ERBB4: variants seen among roughly 807,000 people sequenced by gnomAD.
The protein encoded by ERBB4 is receptor tyrosine-protein kinase erbB-4.
In ERBB4, 42 loss-of-function variants were observed where a neutral mutation model predicts 158.0. The observed-to-expected ratio is 0.27, with a 90% CI of 0.21 to 0.34. The LOEUF (loss-of-function observed/expected upper bound fraction) is 0.34. Ranked by LOEUF, ERBB4 falls within the 10% of genes least tolerant of loss-of-function variation. The probability of loss-of-function intolerance (pLI) is 1.00; values close to 1 mark genes in which losing one functional copy is unlikely to be tolerated. For missense variants in ERBB4, 1,333 were observed against 1,624.1 expected (o/e 0.82, Z 3.08); for synonymous variants, 583 against 558.7 (o/e 1.04, Z -0.61).
chr2:212,320,247 C>T (rs1438116616), intron 1 of ERBB4, among the ~76,000 whole-genome samples: 1 of 147,688 alleles, frequency 6.8e-6, no homozygotes. Flanking sequence ...TTTCCTGTGG[C>T]TGCCAGCATA....
At chr2:212,030,170 A>G (rs944043575) in intron 2 of ERBB4, among the ~76,000 whole-genome samples, 6 of 152,122 alleles carry the variant, frequency 3.9e-5, no homozygotes, top group Admixed American at 1.3e-4. Context: ...ACGCACTTCC[A>G]TCTTCAATCC....
chr2:211,644,143 A>G (rs149901605), intron 16 of ERBB4, among the ~76,000 whole-genome samples: 27 of 151,968 alleles, frequency 1.8e-4, no homozygotes, highest in Non-Finnish European at 3.4e-4. Flanking sequence ...AGACAAACAA[A>G]CCCTCCTTTC....
chr2:212,307,464 A>T (rs1199116091), intron 1 of ERBB4, among the ~76,000 whole-genome samples: 1 of 151,264 alleles, frequency 6.6e-6, no homozygotes, highest in East Asian at 2.0e-4. Flanking sequence ...TACTAGTTAT[A>T]AAAAGTATGC....
intron 6 of ERBB4, among the ~76,000 whole-genome samples, chr2:211,724,407 GA>G (rs563161581): frequency 0.01 from 1,512 of 150,498 alleles, 21 homozygotes; most frequent in African/African-American, 0.035. Flanking sequence ...ATATTTGAGA[GA>G]AAAAAATTTC....
At chr2:211,449,752 A>G (rs6712900) in intron 20 of ERBB4, among the ~76,000 whole-genome samples, 13,464 of 152,266 alleles carry the variant, frequency 0.088, 2,007 homozygotes, top group African/African-American at 0.31. Flanking sequence ...TAATGGATAC[A>G]ATAGTCTTTG....
At chr2:212,500,418 T>C (rs1357402889) in intron 1 of ERBB4, among the ~76,000 whole-genome samples, 1 of 152,162 alleles carries the variant, frequency 6.6e-6, no homozygotes, top group African/African-American at 2.4e-5. Context: ...TACTGTAATA[T>C]GAATTACCAT....
chr2:212,168,234 G>C (rs912185688), intron 1 of ERBB4, among the ~76,000 whole-genome samples: 2 of 151,950 alleles, frequency 1.3e-5, no homozygotes, highest in African/African-American at 4.8e-5. Flanking sequence ...ATTCCTGGGG[G>C]AATACACTGG....
chr2:211,466,005 T>C (rs976582877), intron 20 of ERBB4, among the ~76,000 whole-genome samples: 2 of 152,056 alleles, frequency 1.3e-5, no homozygotes, highest in Admixed American at 6.6e-5. Flanking sequence ...CTCCTTTGTG[T>C]TATTAAGGTC....
At chr2:212,355,221 C>T (rs536849875) in intron 1 of ERBB4, among the ~76,000 whole-genome samples, 1 of 152,108 alleles carries the variant, frequency 6.6e-6, no homozygotes, top group South Asian at 2.1e-4. Flanking sequence ...TATTTTATAA[C>T]TAAGACTACT....
rs28380748 is a variant in ERBB4 at position 211,554,627 on chromosome 2, G to C, written c.2487+7276C>G. ...TGTCACACAGTTCATATGCTTGCTT[G>C]TGATGGAACCTTGGTCCCAGGATCT... On this transcript the variant is annotated intron_variant, in intron 20 of 27. Coordinates refer to ENST00000342788, the MANE Select transcript of ERBB4 (RefSeq NM_005235.3). Among the ~76,000 whole-genome samples the C allele has an allele frequency of 8.5e-3, 1,289 of 152,328 alleles. 16 individuals are homozygous for C. The highest frequency in any genetic ancestry group is 0.04 in the East Asian group (209 of 5,168).
intron 19 of ERBB4, among the ~76,000 whole-genome samples, chr2:211,565,772 G>T (rs903015356): frequency 6.6e-6 from 1 of 152,220 alleles, no homozygotes; most frequent in Non-Finnish European, 1.5e-5. Context: ...GTAAGGAAAA[G>T]GGGGCAGCAT....
intron 2 of ERBB4, among the ~76,000 whole-genome samples, chr2:212,023,690 A>G (rs970310135): frequency 5.9e-5 from 9 of 151,976 alleles, no homozygotes; most frequent in African/African-American, 2.2e-4. Flanking sequence ...TATCAATGTA[A>G]ATTTCTGCTA....
chr2:211,877,162 G>T (rs1289369993), intron 3 of ERBB4, among the ~76,000 whole-genome samples: 1 of 152,168 alleles, frequency 6.6e-6, no homozygotes, highest in Admixed American at 6.5e-5. Flanking sequence ...TTTAAGAAAA[G>T]GTATATGTAT....
At chr2:211,439,160 T>G (rs560217500) in intron 20 of ERBB4, among the ~76,000 whole-genome samples, 1 of 152,102 alleles carries the variant, frequency 6.6e-6, no homozygotes, top group African/African-American at 2.4e-5. Context: ...ATATTGACAC[T>G]CCAATGCTCT....
chr2:211,972,735 G>A (rs1182945358), intron 2 of ERBB4, among the ~76,000 whole-genome samples: 1 of 152,076 alleles, frequency 6.6e-6, no homozygotes, highest in Non-Finnish European at 1.5e-5. Context: ...CATTCCTTAT[G>A]CCACATACAC....
At chr2:211,887,159 T>C (rs772058662) in intron 3 of ERBB4, among the ~76,000 whole-genome samples, 1 of 152,104 alleles carries the variant, frequency 6.6e-6, no homozygotes, top group Non-Finnish European at 1.5e-5. Flanking sequence ...CAGGCTCCTG[T>C]ACCAGTTAGA....
chr2:212,531,872 T>C (rs977279559), intron 1 of ERBB4, among the ~76,000 whole-genome samples: 4 of 152,208 alleles, frequency 2.6e-5, no homozygotes, highest in Non-Finnish European at 5.9e-5. Flanking sequence ...TAGAACGATG[T>C]CTTTAAAAAG....
At chr2:211,963,373 G>C (rs1179944875) in intron 2 of ERBB4, among the ~76,000 whole-genome samples, 8 of 152,060 alleles carry the variant, frequency 5.3e-5, no homozygotes, top group Non-Finnish European at 1.0e-4. Flanking sequence ...TGAGGCAACT[G>C]TTTAATTTTA....
chr2:211,753,024 T>C (rs2075179167), intron 4 of ERBB4, among the ~76,000 whole-genome samples: 1 of 152,238 alleles, frequency 6.6e-6, no homozygotes, highest in South Asian at 2.1e-4. Flanking sequence ...TTGACACTTT[T>C]GGAATCTGTC....
Sources: allele counts gnomAD v4.1 joint callset (sites outside exome capture counted in the v4.1 genomes callset), GRCh38; gene constraint gnomAD v4.1.1; transcripts MANE v1.5; gene names NCBI Gene and HGNC (gene_info 2026-07-23, HGNC 2026-07-21).